The following RAB2A variants were observed in gnomAD, a reference collection of about 807,000 sequenced individuals.
RAB2A encodes RAB2A, member RAS oncogene family.
Under a neutral mutation model 32.5 loss-of-function variants are expected in RAB2A, and 7 were observed. The ratio of observed to expected loss-of-function variants is 0.22; its 90% CI spans 0.12 to 0.40. RAB2A has a LOEUF of 0.40. Ranked by LOEUF, RAB2A falls within the 10% of genes least tolerant of loss-of-function variation. The probability of loss-of-function intolerance (pLI) is 1.00; values close to 1 mark genes in which losing one functional copy is unlikely to be tolerated. For missense variants in RAB2A, 108 were observed against 260.7 expected, an observed-to-expected ratio of 0.41 and a Z score of 4.03; for synonymous variants, 79 against 85.2, an observed-to-expected ratio of 0.93 and a Z score of 0.40.
At chr8:60,544,380 T>A (rs1807695265) in intron 1 of RAB2A, among the ~76,000 whole-genome samples, 1 of 151,898 alleles carries the variant, frequency 6.6e-6, no homozygotes, top group African/African-American at 2.4e-5. Flanking sequence ...TTTTTTAACT[T>A]GGTCAGGTGA....
At chr8:60,546,904 T>C (rs1236633219) in intron 1 of RAB2A, among the ~76,000 whole-genome samples, 1 of 114,502 alleles carries the variant, frequency 8.7e-6, no homozygotes, top group Non-Finnish European at 2.0e-5. Context: ...TTTTTTTTTT[T>C]TTTTTTTTTT....
At chr8:60,570,715 A>G in intron 2 of RAB2A, among the ~76,000 whole-genome samples, 1 of 152,208 alleles carries the variant, frequency 6.6e-6, no homozygotes. Flanking sequence ...CCTAAGAAAC[A>G]TAAACATCAT....
At chr8:60,552,001 G>GTTTTTTGTTTTT (rs1554553375) in intron 1 of RAB2A, 1 of 109,750 alleles carries the variant, frequency 9.1e-6, no homozygotes, top group African/African-American at 3.6e-5. Flanking sequence ...GTAGCTGGGA[G>GTTTTTTGTTTTT]TTTTTTTTTT....
At chr8:60,577,889 G>A (rs527391895) in intron 3 of RAB2A, among the ~76,000 whole-genome samples, 7 of 140,162 alleles carry the variant, frequency 5.0e-5, no homozygotes, top group Admixed American at 1.6e-4. Context: ...TGATCCACCC[G>A]CCTCAGCTTC....
At chr8:60,591,803 G>GCTT in intron 5 of RAB2A, 55 bp from the exon 6 acceptor site, 1 of 1,130,890 alleles carries the variant, frequency 8.8e-7, no homozygotes, top group African/African-American at 1.6e-5. Context: ...TTCCACAAAT[G>GCTT]CTTCTGTTTG....
At chr8:60,543,360 CTCTCTATCCCTGTCTTCATTCACTTAACT>C (rs1807676174) in intron 1 of RAB2A, among the ~76,000 whole-genome samples, 2 of 105,202 alleles carry the variant, frequency 1.9e-5, no homozygotes, top group Non-Finnish European at 3.7e-5. Flanking sequence ...CAGAACTGTA[CTCTCTATCCCTGTCTTCATTCACTTAACT>C]GTACTCTCTA....
At chr8:60,619,622 C>T (rs990029434) in intron 7 of RAB2A, among the ~76,000 whole-genome samples, 6 of 152,124 alleles carry the variant, frequency 3.9e-5, no homozygotes, top group Non-Finnish European at 8.8e-5. Context: ...GCTTATATGA[C>T]GGTACTTCTT....
intron 1 of RAB2A, among the ~76,000 whole-genome samples, chr8:60,549,538 G>T (rs1012059739): frequency 1.5e-4 from 22 of 151,662 alleles, no homozygotes; most frequent in Non-Finnish European, 2.8e-4. Flanking sequence ...AATGATTGGG[G>T]ATTGGAGCTA....
intron 7 of RAB2A, among the ~76,000 whole-genome samples, chr8:60,620,456 T>G (rs766301284): frequency 6.6e-6 from 1 of 152,260 alleles, no homozygotes; most frequent in Non-Finnish European, 1.5e-5. Context: ...CCGTACCTGG[T>G]ATGATAAAGA....
chr8:60,526,968 C>CAAAAA (rs34685368), intron 1 of RAB2A, among the ~76,000 whole-genome samples: 1 of 91,656 alleles, frequency 1.1e-5, no homozygotes, highest in Non-Finnish European at 2.3e-5. Context: ...GACTCCATCT[C>CAAAAA]AAAAAAAAAA....
chr8:60,536,187 T>TA (rs1394947110), intron 1 of RAB2A, among the ~76,000 whole-genome samples: 1 of 152,206 alleles, frequency 6.6e-6, no homozygotes, highest in Admixed American at 6.5e-5. Context: ...TTCAGGTACT[T>TA]ACAATTCAAC....
chr8:60,599,673 G>A (rs564315836), intron 6 of RAB2A, among the ~76,000 whole-genome samples: 2 of 152,050 alleles, frequency 1.3e-5, no homozygotes, highest in South Asian at 4.1e-4. Flanking sequence ...GTAGTTAAAT[G>A]GAAGAAGATA....
intron 1 of RAB2A, 143 bp from the exon 2 acceptor site, chr8:60,558,709 C>A: frequency 1.4e-6 from 1 of 710,768 alleles, no homozygotes. Flanking sequence ...TCTTATTTTG[C>A]AAGAAATTAG....
At chr8:60,595,747 T>C (rs1804011423) in intron 6 of RAB2A, among the ~76,000 whole-genome samples, 1 of 151,986 alleles carries the variant, frequency 6.6e-6, no homozygotes, top group Non-Finnish European at 1.5e-5. Flanking sequence ...CGAGGAGAAA[T>C]AGAGAAATTC....
chr8:60,591,670 GT>G (rs1803947395), intron 5 of RAB2A, 187 bp from the exon 6 acceptor site: 6 of 411,592 alleles, frequency 1.5e-5, no homozygotes, highest in African/African-American at 2.0e-5. Context: ...TGGATTGTTA[GT>G]TCTTTGAAAC....
At position 60,523,792 on chromosome 8, in the gene RAB2A, A is replaced by C. The variant is rs578214336; in HGVS notation, c.46+6539A>C. On this transcript the variant is annotated intron_variant, in intron 1 of 7. Transcript: ENST00000262646. Reference sequence around the variant, plus strand: ...TGCAAGCTCCGTCTCCCGGGTTCACACCATTCTCCTGCCTCAGCCTCCCAA... The same window carrying C: ...TGCAAGCTCCGTCTCCCGGGTTCACCCCATTCTCCTGCCTCAGCCTCCCAA... Among the ~76,000 whole-genome samples, 7 of 148,038 alleles carry C rather than the reference A, an allele frequency of 4.7e-5. No individual in the cohort carries two copies. In the East Asian group the frequency reaches 1.4e-3, roughly 30 times the overall value.
chr8:60,607,968 G>T (rs1453949359), intron 6 of RAB2A, among the ~76,000 whole-genome samples: 1 of 152,050 alleles, frequency 6.6e-6, no homozygotes, highest in African/African-American at 2.4e-5. Context: ...TTTTCCTTCT[G>T]GCTTCTATTA....
intron 1 of RAB2A, among the ~76,000 whole-genome samples, chr8:60,532,382 ATAAAT>A (rs1370501586): frequency 6.6e-5 from 10 of 152,370 alleles, no homozygotes; most frequent in African/African-American, 2.2e-4. Flanking sequence ...CTAAAAAGTA[ATAAAT>A]TAAAGCAATA....
chr8:60,559,604 T>G (rs1048365920), intron 2 of RAB2A, among the ~76,000 whole-genome samples: 4 of 152,216 alleles, frequency 2.6e-5, no homozygotes, highest in African/African-American at 9.7e-5. Flanking sequence ...AGCTAAAAAC[T>G]TTAGGTAATC....
Sources: allele counts gnomAD v4.1 joint callset (sites outside exome capture counted in the v4.1 genomes callset), GRCh38; gene constraint gnomAD v4.1.1; transcripts MANE v1.5; gene names NCBI Gene and HGNC (gene_info 2026-07-23, HGNC 2026-07-21).